Variants in CTNNA3 observed in about 807,000 individuals in gnomAD.
CTNNA3 encodes the protein catenin alpha-3.
In CTNNA3, 76 loss-of-function variants were observed where a neutral mutation model predicts 95.7. That is an observed-to-expected ratio of 0.79 (90% confidence interval 0.66 to 0.96). CTNNA3 has a LOEUF of 0.96. Among genes scored for constraint, CTNNA3 ranks in the 40% least tolerant of loss-of-function variants. The probability of loss-of-function intolerance (pLI) is 0.00; values close to 1 mark genes in which losing one functional copy is unlikely to be tolerated. For synonymous variants in CTNNA3, 431 were observed against 374.4 expected (o/e 1.15, Z -1.74); for missense variants, 1,191 against 1,089.8 (o/e 1.09, Z -1.31).
Position 67,539,683 on chromosome 10 carries a change from C to A in CTNNA3, c.293-14G>T. ...TCAGAGCTTCACCTGAAAAATACAACCCCATATAAGTTATACTTTAAGTTT... is the reference window on the plus strand; with the variant it reads ...TCAGAGCTTCACCTGAAAAATACAAACCCATATAAGTTATACTTTAAGTTT... On this transcript the variant is annotated splice_polypyrimidine_tract_variant and intron_variant, in intron 3 of 17. Transcript: ENST00000433211. The A allele has an allele frequency of 6.2e-7, 1 of 1,612,030 alleles. No homozygotes were observed. Among genetic ancestry groups the A allele is most frequent in the Non-Finnish European group, 8.5e-7 (1 of 1,178,590 alleles).
At chr10:66,419,660 C>A (rs749326020) in intron 11 of CTNNA3, among the ~76,000 whole-genome samples, 2 of 152,030 alleles carry the variant, frequency 1.3e-5, no homozygotes. Context: ...CTATAATAAC[C>A]AAAACACTTG....
chr10:66,876,882 A>G (rs1404008229), intron 7 of CTNNA3, among the ~76,000 whole-genome samples: 1 of 152,114 alleles, frequency 6.6e-6, no homozygotes, highest in African/African-American at 2.4e-5. Context: ...CAAACTCTGG[A>G]GATTCTTATT....
At chr10:67,451,223 G>A (rs553437678) in intron 5 of CTNNA3, among the ~76,000 whole-genome samples, 27 of 152,100 alleles carry the variant, frequency 1.8e-4, no homozygotes, top group African/African-American at 3.9e-4. Context: ...AGATACAGCC[G>A]CTTGATCTTG....
At chr10:67,226,010 T>C (rs1864897170) in intron 5 of CTNNA3, among the ~76,000 whole-genome samples, 1 of 151,946 alleles carries the variant, frequency 6.6e-6, no homozygotes, top group East Asian at 1.9e-4. Flanking sequence ...TTCAAGGAGA[T>C]AGATAGCTTA....
intron 12 of CTNNA3, among the ~76,000 whole-genome samples, chr10:66,373,544 C>G (rs1401145351): frequency 6.6e-6 from 1 of 151,550 alleles, no homozygotes; most frequent in Admixed American, 6.6e-5. Context: ...CACAGTTATC[C>G]AGGTTAGCCA....
At chr10:66,042,010 C>T (rs2079700701) in intron 15 of CTNNA3, among the ~76,000 whole-genome samples, 1 of 152,220 alleles carries the variant, frequency 6.6e-6, no homozygotes, top group South Asian at 2.1e-4. Flanking sequence ...TCCTTTGTCA[C>T]ATTCTCTGTC....
intron 10 of CTNNA3, among the ~76,000 whole-genome samples, chr10:66,526,003 A>G (rs1841244759): frequency 6.6e-6 from 1 of 152,128 alleles, no homozygotes; most frequent in Non-Finnish European, 1.5e-5. Context: ...TCAAGATTAA[A>G]TAATATTCTA....
At chr10:65,973,733 G>T (rs561314891) in intron 16 of CTNNA3, among the ~76,000 whole-genome samples, 1 of 152,064 alleles carries the variant, frequency 6.6e-6, no homozygotes, top group African/African-American at 2.4e-5. Context: ...GACGTGGGGA[G>T]AACAGGAGCA....
At position 66,847,917 on chromosome 10, in the gene CTNNA3, G is replaced by A. The variant is rs112496281; in HGVS notation, c.1048-72393C>T. Reference sequence around the variant, plus strand: ...AAAACTGAGATAGCTGAGAATAAATGTCTTAGAGAGAGACTTGAGGTATGT... The same window carrying A: ...AAAACTGAGATAGCTGAGAATAAATATCTTAGAGAGAGACTTGAGGTATGT... On this transcript the variant is annotated intron_variant, in intron 7 of 17. Coordinates refer to ENST00000433211, the MANE Select transcript of CTNNA3 (RefSeq NM_013266.4). Among the ~76,000 whole-genome samples the A allele has an allele frequency of 9.0e-3, 1,365 of 152,258 alleles. 17 individuals carry two copies. The highest frequency in any genetic ancestry group is 0.031 in the African/African-American group (1,281 of 41,542).
chr10:66,054,566 T>G (rs2080034807), intron 15 of CTNNA3, among the ~76,000 whole-genome samples: 1 of 152,186 alleles, frequency 6.6e-6, no homozygotes, highest in Non-Finnish European at 1.5e-5. Context: ...CATTTTTGAT[T>G]GGATTGTTCT....
At chr10:67,523,004 A>T (rs1564713335) in intron 4 of CTNNA3, among the ~76,000 whole-genome samples, 1 of 152,172 alleles carries the variant, frequency 6.6e-6, no homozygotes, top group Non-Finnish European at 1.5e-5. Context: ...ATAAGATTTT[A>T]TAGAATATAA....
At chr10:65,962,753 G>A (rs1199506171) in intron 17 of CTNNA3, among the ~76,000 whole-genome samples, 1 of 134,276 alleles carries the variant, frequency 7.4e-6, no homozygotes, top group Non-Finnish European at 1.5e-5. Flanking sequence ...TCCCCTCCCT[G>A]TGTCCATGTG....
chr10:67,578,064 T>C (rs1185456146), intron 3 of CTNNA3, among the ~76,000 whole-genome samples: 2 of 139,324 alleles, frequency 1.4e-5, no homozygotes, highest in African/African-American at 6.0e-5. Flanking sequence ...GTGAACTGTG[T>C]GGGAAAAAAA....
At chr10:66,930,786 A>G (rs1038325388) in intron 7 of CTNNA3, among the ~76,000 whole-genome samples, 2 of 152,174 alleles carry the variant, frequency 1.3e-5, no homozygotes, top group African/African-American at 4.8e-5. Flanking sequence ...TTAATGCCTA[A>G]CTTTACTAAT....
intron 5 of CTNNA3, among the ~76,000 whole-genome samples, chr10:67,296,935 A>T (rs1338914909): frequency 2.0e-5 from 2 of 102,070 alleles, no homozygotes; most frequent in African/African-American, 5.7e-5. Flanking sequence ...ACGCTGTCTC[A>T]AAAAAAAAAA....
intron 5 of CTNNA3, among the ~76,000 whole-genome samples, chr10:67,303,008 A>G (rs1019165870): frequency 6.6e-5 from 10 of 152,174 alleles, no homozygotes; most frequent in African/African-American, 2.4e-4. Context: ...CAAATTTTGG[A>G]CCTCACCCGA....
chr10:67,114,563 G>A (rs1057052262), intron 7 of CTNNA3, among the ~76,000 whole-genome samples: 4 of 151,886 alleles, frequency 2.6e-5, no homozygotes, highest in Non-Finnish European at 4.4e-5. Context: ...TATAAATATG[G>A]ATGTAACTGT....
At chr10:66,453,986 G>A (rs2093480251) in intron 11 of CTNNA3, among the ~76,000 whole-genome samples, 1 of 152,146 alleles carries the variant, frequency 6.6e-6, no homozygotes, top group African/African-American at 2.4e-5. Flanking sequence ...AGCTTATCCT[G>A]AATTATCTGG....
chr10:66,381,291 T>A (rs2092836476), intron 11 of CTNNA3, among the ~76,000 whole-genome samples: 1 of 152,128 alleles, frequency 6.6e-6, no homozygotes, highest in Admixed American at 6.5e-5. Context: ...ACTAGGCAAA[T>A]GTTCCTGCCT....
Sources: allele counts gnomAD v4.1 joint callset (sites outside exome capture counted in the v4.1 genomes callset), GRCh38; gene constraint gnomAD v4.1.1; transcripts MANE v1.5; gene names NCBI Gene and HGNC (gene_info 2026-07-23, HGNC 2026-07-21).